Variants in NLGN1 observed in about 807,000 individuals in gnomAD.
NLGN1 encodes neuroligin 1, also known as neuroligin-1.
Under a neutral mutation model 65.5 loss-of-function variants are expected in NLGN1, and 12 were observed. The ratio of observed to expected loss-of-function variants is 0.18; its 90% CI spans 0.12 to 0.30. The LOEUF is 0.30. NLGN1 is among the 10% of genes least tolerant of loss of function. The pLI is 1.00. For synonymous variants in NLGN1, 350 were observed against 359.5 expected, an observed-to-expected ratio of 0.97 and a Z score of 0.30; for missense variants, 750 against 1,007.1, an observed-to-expected ratio of 0.74 and a Z score of 3.46.
chr3:174,070,860 G>C (rs1475718946), intron 4 of NLGN1, among the ~76,000 whole-genome samples: 1 of 152,084 alleles, frequency 6.6e-6, no homozygotes, highest in Non-Finnish European at 1.5e-5. Flanking sequence ...TTCAAGATCA[G>C]CCTGGGCAAC....
chr3:173,774,359 C>T (rs533359203), intron 3 of NLGN1, among the ~76,000 whole-genome samples: 15 of 152,292 alleles, frequency 9.8e-5, no homozygotes, highest in Admixed American at 2.6e-4. Context: ...AATAGTTGAT[C>T]TTCTGGCTCT....
chr3:173,841,584 G>A (rs1440742982), intron 4 of NLGN1, among the ~76,000 whole-genome samples: 2 of 152,134 alleles, frequency 1.3e-5, no homozygotes, highest in South Asian at 2.1e-4. Context: ...AGGTACATTC[G>A]GATGGCATGC....
At chr3:174,211,203 C>T (rs1057471890) in intron 4 of NLGN1, among the ~76,000 whole-genome samples, 29 of 152,168 alleles carry the variant, frequency 1.9e-4, no homozygotes, top group African/African-American at 6.8e-4. Flanking sequence ...ACAAAGCTTC[C>T]GCAGTGTGGA....
rs374690477 is a variant in NLGN1 at position 173,661,173 on chromosome 3, A to C, written c.493+56082A>C. On this transcript the variant is annotated intron_variant, in intron 3 of 6. Transcript: ENST00000457714. ...TAGATGGATAGGATCAAAGGAATTC[A>C]AAGTAGAGTAGTGAGCGAGCTGAAA... Among the ~76,000 whole-genome samples, 5 of 152,146 alleles carry C rather than the reference A, an allele frequency of 3.3e-5. No homozygotes were observed. The South Asian group carries it at 6.2e-4, about 19-fold the overall frequency.
At chr3:173,784,934 A>G (rs1254393166) in intron 3 of NLGN1, among the ~76,000 whole-genome samples, 2 of 152,236 alleles carry the variant, frequency 1.3e-5, no homozygotes, top group East Asian at 3.8e-4. Context: ...AGTGAATGAT[A>G]TGAATCTCCA....
rs191323180 is a variant in NLGN1, at chr3:174,084,894, C to T, written c.647-190421C>T. Among the ~76,000 whole-genome samples the T allele has an allele frequency of 1.1e-3, 169 of 152,058 alleles. 1 individual carries two copies. The highest frequency in any genetic ancestry group is 2.3e-3 in the Admixed American group (35 of 15,274). ...ATATTTTTCTTTTAAAAACTAAACA[C>T]GAAACTCAATAGGAAGACTGAACCA... On this transcript the variant is annotated intron_variant, in intron 4 of 6. Transcript: ENST00000457714.
At chr3:174,271,450 T>G (rs530019504) in intron 4 of NLGN1, among the ~76,000 whole-genome samples, 3 of 151,910 alleles carry the variant, frequency 2.0e-5, no homozygotes, top group Non-Finnish European at 4.4e-5. Context: ...AGGGTCTGCC[T>G]GTCAGAGAGT....
At chr3:173,764,297 G>C (rs759075368) in intron 3 of NLGN1, among the ~76,000 whole-genome samples, 7 of 152,098 alleles carry the variant, frequency 4.6e-5, no homozygotes, top group Non-Finnish European at 1.0e-4. Flanking sequence ...GCAGAAAGTA[G>C]GTGATAAGTA....
rs1745858630 is a variant in NLGN1, at chr3:173,940,401, AT to A, written c.646+132570del. The stretch of plus-strand genomic sequence containing the variant: ...ACCATGCCCGGCCTCAAATAGTTAT[AT>A]CTTGTAGGTTCCTGGTCTACAATAT... On this transcript the variant is annotated intron_variant, in intron 4 of 6. Transcript: ENST00000457714. Among the ~76,000 whole-genome samples, 5 of 152,166 alleles carry A rather than the reference AT, an allele frequency of 3.3e-5. No homozygotes were observed. In the South Asian group the frequency reaches 1.0e-3, roughly 32 times the overall value.
At chr3:174,075,647 G>A (rs904849287) in intron 4 of NLGN1, among the ~76,000 whole-genome samples, 1 of 151,832 alleles carries the variant, frequency 6.6e-6, no homozygotes, top group African/African-American at 2.4e-5. Context: ...CAGTAAGACT[G>A]GTAAGCATTT....
chr3:173,622,430 G>T (rs181017628), intron 3 of NLGN1, among the ~76,000 whole-genome samples: 3 of 152,020 alleles, frequency 2.0e-5, no homozygotes, highest in African/African-American at 7.2e-5. Context: ...CTCAGAGAGA[G>T]GCTGAGAATA....
chr3:174,235,839 T>TA (rs538825095), intron 4 of NLGN1, among the ~76,000 whole-genome samples: 5 of 152,256 alleles, frequency 3.3e-5, no homozygotes, highest in African/African-American at 1.2e-4. Context: ...GAACGTGACC[T>TA]AAAAAAGGCA....
chr3:173,839,797 A>G (rs1054961134), intron 4 of NLGN1, among the ~76,000 whole-genome samples: 1 of 152,240 alleles, frequency 6.6e-6, no homozygotes, highest in Non-Finnish European at 1.5e-5. Flanking sequence ...GCACTCAAAC[A>G]TTAGCAGCAA....
At chr3:174,258,960 T>C (rs1647707839) in intron 4 of NLGN1, among the ~76,000 whole-genome samples, 1 of 152,152 alleles carries the variant, frequency 6.6e-6, no homozygotes, top group Non-Finnish European at 1.5e-5. Context: ...CACCATTTTT[T>C]AAATGTTTCT....
chr3:174,197,851 A>G (rs1301515153), intron 4 of NLGN1, among the ~76,000 whole-genome samples: 1 of 151,862 alleles, frequency 6.6e-6, no homozygotes, highest in Non-Finnish European at 1.5e-5. Flanking sequence ...TGATTATAAC[A>G]GTAACACATA....
chr3:173,900,668 CA>C (rs1230711358), intron 4 of NLGN1, among the ~76,000 whole-genome samples: 1 of 151,952 alleles, frequency 6.6e-6, no homozygotes, highest in East Asian at 1.9e-4. Flanking sequence ...ATTCAAAAAT[CA>C]AATGGCTTTG....
intron 3 of NLGN1, among the ~76,000 whole-genome samples, chr3:173,608,009 A>G (rs867715818): frequency 2.2e-4 from 34 of 151,850 alleles, no homozygotes; most frequent in Non-Finnish European, 3.4e-4. Flanking sequence ...ATTGCCAATT[A>G]CAAGCCACAT....
intron 4 of NLGN1, among the ~76,000 whole-genome samples, chr3:173,835,485 A>G (rs7652242): frequency 0.83 from 125,986 of 151,472 alleles, 53,094 homozygotes; most frequent in African/African-American, 0.87. Context: ...ATCTAAGAAA[A>G]GTAATATTTC....
intron 2 of NLGN1, among the ~76,000 whole-genome samples, chr3:173,553,801 C>CTCT (rs373964831): frequency 6.9e-5 from 2 of 29,028 alleles, no homozygotes; most frequent in Non-Finnish European, 1.2e-4. Flanking sequence ...GAAAAGCCGA[C>CTCT]TAACAGAAGG....
Sources: gnomAD v4.1 joint callset for allele counts (sites outside exome capture counted in the v4.1 genomes callset) on GRCh38, gnomAD v4.1.1 for gene constraint, MANE v1.5 for transcripts, NCBI Gene and HGNC (gene_info 2026-07-23, HGNC 2026-07-21) for gene names.